AGPAT5: variants seen among roughly 807,000 people sequenced by gnomAD.
AGPAT5 encodes 1-acylglycerol-3-phosphate O-acyltransferase 5.
In AGPAT5, 46 loss-of-function variants were observed where a neutral mutation model predicts 45.6. That is an observed-to-expected ratio of 1.01 (90% confidence interval 0.80 to 1.29). AGPAT5 has a LOEUF of 1.29. Among genes scored for constraint, AGPAT5 ranks in the 50% most tolerant of loss-of-function variants. The pLI is 0.00. For synonymous variants in AGPAT5, 272 were observed against 167.0 expected, an observed-to-expected ratio of 1.63 and a Z score of -4.85; for missense variants, 673 against 450.7, an observed-to-expected ratio of 1.49 and a Z score of -4.47.
At chr8:6,730,664 C>G in intron 2 of AGPAT5, 47 bp from the exon 3 acceptor site, 3 of 1,290,852 alleles carry the variant, frequency 2.3e-6, no homozygotes, top group East Asian at 2.3e-5. Flanking sequence ...CATAGTACAA[C>G]CTGTGAAGAG....
intron 6 of AGPAT5, among the ~76,000 whole-genome samples, chr8:6,751,250 A>G (rs574144777): frequency 6.6e-5 from 10 of 152,288 alleles, no homozygotes; most frequent in African/African-American, 1.7e-4. Flanking sequence ...TATTATCTCT[A>G]TATATAGTAG....
chr8:6,750,597 G>T (rs914078328), intron 6 of AGPAT5, among the ~76,000 whole-genome samples: 1 of 152,138 alleles, frequency 6.6e-6, no homozygotes, highest in African/African-American at 2.4e-5. Flanking sequence ...TGCGTAAAGT[G>T]CACTTACAAA....
intron 1 of AGPAT5, among the ~76,000 whole-genome samples, chr8:6,720,061 C>T (rs2116867707): frequency 6.6e-6 from 1 of 152,270 alleles, no homozygotes; most frequent in Admixed American, 6.5e-5. Context: ...CTGGGGAACT[C>T]ATGCTTCTAG....
chr8:6,743,949 AT>A (rs1801332329), intron 5 of AGPAT5, among the ~76,000 whole-genome samples: 3 of 152,112 alleles, frequency 2.0e-5, no homozygotes, highest in Admixed American at 6.5e-5. Flanking sequence ...GATTGTAGAG[AT>A]TTGAGAGTTC....
chr8:6,721,544 G>A (rs1187096853), intron 1 of AGPAT5, among the ~76,000 whole-genome samples: 1 of 152,200 alleles, frequency 6.6e-6, no homozygotes, highest in Non-Finnish European at 1.5e-5. Flanking sequence ...AGGAGGAGTA[G>A]TTACTATTAT....
At position 6,708,651 on chromosome 8, in the gene AGPAT5, T is replaced by A. The variant is rs2116831899; in HGVS notation, c.-18T>A. On this transcript the variant is annotated 5_prime_UTR_variant, in exon 1 of 8. Coordinates refer to ENST00000285518, the MANE Select transcript of AGPAT5 (RefSeq NM_018361.5). ...GGCGGGGAGCGCAGGCGGAGCTCGC[T>A]GCCGCCGAGCTGAGAAGATGCTGCT... 6.6e-7 allele frequency: 1 copy of A among 1,515,360 alleles called. No individual in the cohort carries two copies. The highest frequency in any genetic ancestry group is 2.0e-5 in the Admixed American group (1 of 49,566). The allele number at this position is 1,515,360 out of a possible 1,614,324, so 93.9% of individuals were successfully genotyped here.
chr8:6,729,488 A>G (rs999455388), intron 2 of AGPAT5, among the ~76,000 whole-genome samples: 2 of 139,726 alleles, frequency 1.4e-5, no homozygotes, highest in Non-Finnish European at 3.0e-5. Flanking sequence ...TCATGTGTGT[A>G]TTAACTAGAG....
chr8:6,738,569 A>G (rs1399342653), intron 4 of AGPAT5: 1 of 152,222 alleles, frequency 6.6e-6, no homozygotes, highest in Non-Finnish European at 1.5e-5. Context: ...ATACTGTTGG[A>G]AAAATGGCAC....
At chr8:6,738,767 A>T (rs892387884) in intron 4 of AGPAT5, among the ~76,000 whole-genome samples, 13 of 152,138 alleles carry the variant, frequency 8.5e-5, no homozygotes, top group African/African-American at 1.4e-4. Flanking sequence ...TTTTTTGAGT[A>T]CGTGTGTTTT....
chr8:6,738,985 A>T (rs11985473), intron 4 of AGPAT5, among the ~76,000 whole-genome samples: 2,005 of 152,156 alleles, frequency 0.013, 29 homozygotes, highest in African/African-American at 0.039. Context: ...ATTTATAATT[A>T]ATGTTTTCAT....
At chr8:6,716,510 C>A (rs1194639002) in intron 1 of AGPAT5, among the ~76,000 whole-genome samples, 1 of 151,554 alleles carries the variant, frequency 6.6e-6, no homozygotes, top group Admixed American at 6.6e-5. Flanking sequence ...CCAGCTTGGG[C>A]GACAGAGTGA....
chr8:6,713,538 CT>C (rs1156248411), intron 1 of AGPAT5, among the ~76,000 whole-genome samples: 2 of 152,132 alleles, frequency 1.3e-5, no homozygotes, highest in East Asian at 3.8e-4. Flanking sequence ...CTAATATGCC[CT>C]TAACTTCTCC....
At position 6,723,105 on chromosome 8, in the gene AGPAT5, GT is replaced by G. The variant is rs368362129; in HGVS notation, c.220-1762del. On this transcript the variant is annotated intron_variant, in intron 1 of 7. Coordinates refer to ENST00000285518, the MANE Select transcript of AGPAT5 (RefSeq NM_018361.5). The stretch of plus-strand genomic sequence containing the variant: ...GGTGCACTTTAATTATTTTATTTAT[GT>G]TTATTCTGAAACTACCTTTATTTTG... 1.3e-4 allele frequency among the ~76,000 whole-genome samples: 20 copies of G among 152,256 alleles called. No homozygotes were observed. In the East Asian group the frequency reaches 1.9e-3, roughly 15 times the overall value.
Position 6,757,468 on chromosome 8 carries a change from G to C in AGPAT5, c.*80G>C. 9.0e-7 allele frequency: 1 copy of C among 1,108,872 alleles called. No homozygotes were observed. 68.7% of individuals were successfully genotyped at this position (1,108,872 alleles called of 1,614,324 possible). ...TGCACATGACATCAAATTGTTTCCT[G>C]AATTTATTAAGGAGTGTAAATAAAG... On this transcript the variant is annotated 3_prime_UTR_variant, in exon 8 of 8. Coordinates refer to ENST00000285518, the MANE Select transcript of AGPAT5 (RefSeq NM_018361.5).
chr8:6,716,363 A>G (rs1200499323), intron 1 of AGPAT5, among the ~76,000 whole-genome samples: 1 of 152,076 alleles, frequency 6.6e-6, no homozygotes, highest in Non-Finnish European at 1.5e-5. Flanking sequence ...ATTCGAGACC[A>G]GTCTGGCCAA....
At chr8:6,714,755 T>C (rs933826239) in intron 1 of AGPAT5, among the ~76,000 whole-genome samples, 2 of 151,726 alleles carry the variant, frequency 1.3e-5, no homozygotes, top group Non-Finnish European at 2.9e-5. Context: ...TACAGATCAG[T>C]TTTTTAGTAC....
chr8:6,717,390 C>T (rs941481026), intron 1 of AGPAT5, among the ~76,000 whole-genome samples: 2 of 152,086 alleles, frequency 1.3e-5, no homozygotes, highest in African/African-American at 2.4e-5. Context: ...GGTGATGGTA[C>T]CTGGAAAGGA....
At position 6,759,974 on chromosome 8, in the gene AGPAT5, G is replaced by A. The variant is rs1221743627; in HGVS notation, c.*2586G>A. On this transcript the variant is annotated 3_prime_UTR_variant, in exon 8 of 8. Coordinates refer to ENST00000285518, the MANE Select transcript of AGPAT5 (RefSeq NM_018361.5). ...AACTAAGTTGGTGAATAAAAGTGCC[G>A]ATCTGGCTAACTCTTACACCATACA... Among the ~76,000 whole-genome samples, 2 of 152,122 alleles carry A rather than the reference G, an allele frequency of 1.3e-5. No individual in the cohort carries two copies. The highest frequency in any genetic ancestry group is 4.8e-5 in the African/African-American group (2 of 41,420).
intron 7 of AGPAT5, among the ~76,000 whole-genome samples, chr8:6,756,934 G>T (rs1439494773): frequency 6.6e-6 from 1 of 152,184 alleles, no homozygotes; most frequent in Non-Finnish European, 1.5e-5. Flanking sequence ...AAAACCACCT[G>T]TTGAAATATT....
Sources: gnomAD v4.1 joint callset for allele counts (sites outside exome capture counted in the v4.1 genomes callset) on GRCh38, gnomAD v4.1.1 for gene constraint, MANE v1.5 for transcripts, NCBI Gene and HGNC (gene_info 2026-07-23, HGNC 2026-07-21) for gene names.